The following TASOR2 variants were observed in gnomAD, a reference collection of about 807,000 sequenced individuals.
TASOR2 encodes transcription activation suppressor family member 2.
In TASOR2, 84 loss-of-function variants were observed where a neutral mutation model predicts 199.5. The ratio of observed to expected loss-of-function variants is 0.42; its 90% CI spans 0.35 to 0.50. The LOEUF is 0.50. TASOR2 is among the 20% of genes least tolerant of loss of function. The probability of loss-of-function intolerance (pLI) is 0.02; values close to 1 mark genes in which losing one functional copy is unlikely to be tolerated. For synonymous variants in TASOR2, 1,103 were observed against 1,046.6 expected, an observed-to-expected ratio of 1.05 and a Z score of -1.04; for missense variants, 2,796 against 2,835.9, an observed-to-expected ratio of 0.99 and a Z score of 0.32.
intron 10 of TASOR2, among the ~76,000 whole-genome samples, chr10:5,729,017 A>G (rs1293090504): frequency 6.6e-6 from 1 of 152,206 alleles, no homozygotes; most frequent in Admixed American, 6.5e-5. Flanking sequence ...TATGATATGA[A>G]CTTGCTAACT....
intron 19 of TASOR2, 59 bp downstream of exon 20, chr10:5,761,530 C>A: frequency 1.4e-6 from 2 of 1,466,148 alleles, no homozygotes; most frequent in South Asian, 2.4e-5. Flanking sequence ...CTAGGAATGT[C>A]AAAGTTAGAT....
At chr10:5,763,089 T>C in exon 21 of TASOR2, 1 of 1,564,400 alleles carries the variant, frequency 6.4e-7, no homozygotes, top group Non-Finnish European at 8.8e-7. Context: ...GTATTTTCCC[T>C]TTGGAAAACT....
intron 2 of TASOR2, among the ~76,000 whole-genome samples, chr10:5,713,591 G>A (rs1832207934): frequency 6.6e-6 from 1 of 152,124 alleles, no homozygotes; most frequent in African/African-American, 2.4e-5. Flanking sequence ...GGACTATATA[G>A]TAATACCAGA....
At chr10:5,732,923 G>A in intron 11 of TASOR2, among the ~76,000 whole-genome samples, 1 of 152,016 alleles carries the variant, frequency 6.6e-6, no homozygotes, top group Middle Eastern at 3.2e-3. Context: ...TACTTAGGAG[G>A]GTAAGTGGAA....
intron 1 of TASOR2, among the ~76,000 whole-genome samples, chr10:5,708,697 T>C (rs1018336654): frequency 3.6e-5 from 5 of 139,864 alleles, no homozygotes; most frequent in African/African-American, 1.3e-4. Context: ...TTCCTTTCTT[T>C]CCTTTCCTCT....
At chr10:5,692,641 G>A (rs1470633355) in intron 1 of TASOR2, among the ~76,000 whole-genome samples, 2 of 152,112 alleles carry the variant, frequency 1.3e-5, no homozygotes, top group Non-Finnish European at 2.9e-5. Context: ...GGATCTCCCA[G>A]CCCTGTTGGC....
intron 2 of TASOR2, among the ~76,000 whole-genome samples, chr10:5,715,954 CAT>C (rs1832578407): frequency 6.6e-6 from 1 of 152,042 alleles, no homozygotes; most frequent in African/African-American, 2.4e-5. Context: ...ATTTTTTACT[CAT>C]GTGAACATCA....
chr10:5,747,403 G>T lies in TASOR2; in HGVS notation c.3982G>T (p.Glu1328Ter). The T allele has an allele frequency of 6.2e-7, 1 of 1,614,164 alleles. No homozygotes were observed. Among genetic ancestry groups the T allele is most frequent in the Non-Finnish European group, 8.5e-7 (1 of 1,180,034 alleles). The change falls in exon 15 of 21, where the codon GAG (glutamate) becomes TAG (stop). Residue 1328 changes from glutamate (E) to a stop codon, truncating the protein, a stop_gained. Coordinates refer to ENST00000328090, the Ensembl canonical transcript of TASOR2. LOFTEE classifies it high-confidence loss of function. ...AGCTGAGGAAATAGGTGAACCGGAA[G>T]AGGTGGCTCTCACAGAAAGCAGAGA... is the stretch of plus-strand genomic sequence containing the variant.
At position 5,747,000 on chromosome 10, in the gene TASOR2, A is replaced by G. The variant is rs201749905; in HGVS notation, c.3579A>G (p.Leu1193=). 299 of 1,614,034 alleles carry G rather than the reference A, an allele frequency of 1.9e-4. 3 individuals carry two copies. The highest frequency in any genetic ancestry group is 1.0e-4 in the Admixed American group (6 of 60,006). Residue 1193 remains leucine (L), a synonymous_variant, in exon 15 of 21, where the codon CTA becomes CTG. Transcript: ENST00000328090. ...CACAGACTCAGAGTCTCCTCGGCCT[A>G]TCTTCAGAAGGGCTTCTAGAACTGA...
intron 11 of TASOR2, 92 bp downstream of exon 12, chr10:5,731,295 C>G (rs1834779468): frequency 8.3e-7 from 1 of 1,207,460 alleles, no homozygotes; most frequent in African/African-American, 1.5e-5. Context: ...TTTGGGAAAC[C>G]AAGTGGGTGG....
chr10:5,712,582 T>A, intron 1 of TASOR2: 1 of 1,228,072 alleles, frequency 8.1e-7, no homozygotes, highest in Non-Finnish European at 1.0e-6. Context: ...GTTTTAGTTT[T>A]AAAAGAGGTA....
rs529851785 is a variant in TASOR2 at position 5,722,682 on chromosome 10, A to C, written c.147-995A>C. Among the ~76,000 whole-genome samples, 6 of 152,206 alleles carry C rather than the reference A, an allele frequency of 3.9e-5. No individual in the cohort carries two copies. In the East Asian group the frequency reaches 9.7e-4, roughly 25 times the overall value. ...GTCCTATGTTTGCAACTTTTGTATAAGTGTAAAAGCATTTTAAAATGAGTT... is the reference window on the plus strand; with the variant it reads ...GTCCTATGTTTGCAACTTTTGTATACGTGTAAAAGCATTTTAAAATGAGTT... On this transcript the variant is annotated intron_variant, in intron 6 of 20. Transcript: ENST00000328090. This position sits in a 1 kb window ranked among gnomAD's most constrained non-coding sequence, Gnocchi z 4.0.
chr10:5,746,312 G>C, exon 15 of TASOR2: 1 of 1,614,142 alleles, frequency 6.2e-7, no homozygotes, highest in Admixed American at 1.7e-5. Flanking sequence ...GATAGCACAA[G>C]AGTGGCTTCT....
chr10:5,694,568 T>A (rs781703376), intron 1 of TASOR2, among the ~76,000 whole-genome samples: 1 of 152,232 alleles, frequency 6.6e-6, no homozygotes, highest in South Asian at 2.1e-4. Context: ...TAAGATATGG[T>A]ATATTACACA....
In TASOR2 at chr10:5,719,918, C is replaced by T. The variant is rs1478704522; in HGVS notation, c.-99-626C>T. ...AGTCACCAAAGAGCCATTCAGTGAC[C>T]GTAACATAAAAGATGGTGGGCTATA... is the stretch of plus-strand genomic sequence containing the variant. On this transcript the variant is annotated intron_variant, in intron 3 of 20. Coordinates refer to ENST00000328090, the Ensembl canonical transcript of TASOR2. This position sits in a 1 kb window ranked among gnomAD's most constrained non-coding sequence, Gnocchi z 4.1. 6.6e-6 allele frequency among the ~76,000 whole-genome samples: 1 copy of T among 151,972 alleles called. No individual in the cohort carries two copies. Among genetic ancestry groups the T allele is most frequent in the Non-Finnish European group, 1.5e-5 (1 of 67,998 alleles).
At chr10:5,736,428 AAAAG>A (rs1290565896) in intron 12 of TASOR2, among the ~76,000 whole-genome samples, 1 of 137,324 alleles carries the variant, frequency 7.3e-6, no homozygotes, top group East Asian at 6.2e-4. Context: ...AGAAAAAAAA[AAAAG>A]AGAGAGAGAC....
rs374519460 is a variant in TASOR2 at position 5,761,277 on chromosome 10, G to A, written c.6993-13G>A. On this transcript the variant is annotated splice_polypyrimidine_tract_variant and intron_variant, in intron 18 of 20. Transcript: ENST00000328090. ...CTGAAAAATATTTTAATATGCCTAT[G>A]TATCTTTCACAGAGTGGATTCAACT... 5.0e-6 allele frequency: 8 copies of A among 1,604,596 alleles called. No individual in the cohort carries two copies. The highest frequency in any genetic ancestry group is 2.2e-5 in the East Asian group (1 of 44,746).
chr10:5,763,630 A>C (rs2131674045), exon 21 of TASOR2: 1 of 152,288 alleles, frequency 6.6e-6, no homozygotes, highest in South Asian at 2.1e-4. Flanking sequence ...TTTCTACAGT[A>C]AACACTCAAA....
At chr10:5,749,821 G>A in exon 15 of TASOR2, 2 of 1,614,124 alleles carry the variant, frequency 1.2e-6, no homozygotes, top group Non-Finnish European at 8.5e-7. Context: ...CCAAGACAAA[G>A]AGCTAAATGA....
Sources: gnomAD v4.1 joint callset for allele counts (sites outside exome capture counted in the v4.1 genomes callset) on GRCh38, gnomAD v4.1.1 for gene constraint, Gnocchi (gnomAD v3.1) non-coding constraint, MANE v1.5 for transcripts, NCBI Gene and HGNC (gene_info 2026-07-23, HGNC 2026-07-21) for gene names.